The following ANO2 variants were observed in gnomAD, a reference collection of about 807,000 sequenced individuals.
ANO2 encodes anoctamin 2, also known as anoctamin-2.
ANO2 carries 101 observed loss-of-function variants against 124.2 expected under a neutral mutation model. That is an observed-to-expected ratio of 0.81 (90% CI 0.69 to 0.96). The LOEUF is 0.96. Ranked by LOEUF, ANO2 falls within the 40% of genes least tolerant of loss-of-function variation. The pLI is 0.00. For missense variants in ANO2, 1,293 were observed against 1,274.5 expected (o/e 1.01, Z -0.22); for synonymous variants, 486 against 482.5 (o/e 1.01, Z -0.09).
chr12:5,751,554 T>C (rs915576609), intron 10 of ANO2, among the ~76,000 whole-genome samples: 5 of 152,228 alleles, frequency 3.3e-5, no homozygotes, highest in African/African-American at 1.2e-4. Context: ...TACTGAGGTA[T>C]GTTGGCATAC....
rs943604098 is a variant in ANO2, at chr12:5,922,646, C to T, written c.181G>A (p.Gly61Ser). 1.9e-5 allele frequency: 30 copies of T among 1,549,728 alleles called. No individual in the cohort carries two copies. The Admixed American group carries it at 1.9e-4, about 10-fold the overall frequency. ...GAGCTGCTGCGGGTGCTCTCTCCAC[C>T]GCAGGGCTGGCCAGGATCTCTGTTG... ...GSNRDPGQPC[G>S]GESTRSSSVI... is the part of the protein sequence containing the mutation. Residue 61 changes from glycine (G) to serine (S), a missense_variant, in exon 2 of 25, where the codon GGT (glycine) becomes AGT (serine). Physicochemically the swap from Gly to Ser is moderately conservative, Grantham distance 56. Coordinates refer to ENST00000682330, the MANE Select transcript of ANO2 (RefSeq NM_001364791.2).
intron 15 of ANO2, among the ~76,000 whole-genome samples, chr12:5,644,675 T>C (rs143457921): frequency 1.3e-5 from 2 of 152,350 alleles, no homozygotes; most frequent in African/African-American, 4.8e-5. Context: ...TCTTCATTCC[T>C]TTCTAAAACC....
At chr12:5,830,914 T>C (rs1954128551) in intron 5 of ANO2, among the ~76,000 whole-genome samples, 1 of 152,214 alleles carries the variant, frequency 6.6e-6, no homozygotes, top group African/African-American at 2.4e-5. Context: ...GAAAAGATAC[T>C]GGTGCATGAA....
intron 1 of ANO2, among the ~76,000 whole-genome samples, chr12:5,939,557 G>T (rs1942812263): frequency 6.6e-6 from 1 of 152,188 alleles, no homozygotes; most frequent in African/African-American, 2.4e-5. Flanking sequence ...GTTGAGCAAG[G>T]CTTAGAAATA....
chr12:5,844,346 C>A (rs770055246), intron 4 of ANO2, among the ~76,000 whole-genome samples: 23 of 152,150 alleles, frequency 1.5e-4, no homozygotes, highest in Non-Finnish European at 3.4e-4. Flanking sequence ...GGACACAGGG[C>A]AGTTTCAGAA....
At chr12:5,905,709 G>A (rs1412057287) in intron 3 of ANO2, among the ~76,000 whole-genome samples, 1 of 152,186 alleles carries the variant, frequency 6.6e-6, no homozygotes, top group Non-Finnish European at 1.5e-5. Flanking sequence ...CTTGGAATCT[G>A]CCCAATGGCA....
intron 14 of ANO2, among the ~76,000 whole-genome samples, chr12:5,690,998 A>C (rs985797785): frequency 3.9e-5 from 6 of 152,174 alleles, no homozygotes; most frequent in African/African-American, 1.4e-4. Flanking sequence ...ATCTCACAGG[A>C]GCTTACATAT....
intron 1 of ANO2, among the ~76,000 whole-genome samples, chr12:5,923,589 C>A (rs1368856029): frequency 2.0e-5 from 3 of 152,204 alleles, no homozygotes; most frequent in African/African-American, 7.2e-5. Flanking sequence ...CCTCACGCAC[C>A]TGCTGCCTCT....
At chr12:5,909,519 G>A (rs1371918376) in intron 3 of ANO2, among the ~76,000 whole-genome samples, 1 of 152,164 alleles carries the variant, frequency 6.6e-6, no homozygotes, top group Non-Finnish European at 1.5e-5. Flanking sequence ...TCGAGATCCA[G>A]AGAGAAGCCA....
chr12:5,943,228 C>T (rs983614524), intron 1 of ANO2, among the ~76,000 whole-genome samples: 3 of 151,376 alleles, frequency 2.0e-5, no homozygotes, highest in Admixed American at 1.3e-4. Flanking sequence ...TGCCCATTAA[C>T]TAAAAAGTGA....
At chr12:5,853,416 T>A (rs546685230) in intron 4 of ANO2, among the ~76,000 whole-genome samples, 1 of 151,608 alleles carries the variant, frequency 6.6e-6, no homozygotes. Context: ...ATCCTGGGGA[T>A]TTTTTGCCTA....
At chr12:5,899,559 T>C (rs1940036864) in intron 3 of ANO2, among the ~76,000 whole-genome samples, 1 of 152,258 alleles carries the variant, frequency 6.6e-6, no homozygotes, top group South Asian at 2.1e-4. Flanking sequence ...ATTTTGTTAA[T>C]ATATACATTT....
At chr12:5,791,912 C>A (rs1057019834) in intron 10 of ANO2, among the ~76,000 whole-genome samples, 2 of 152,046 alleles carry the variant, frequency 1.3e-5, no homozygotes, top group Non-Finnish European at 2.9e-5. Context: ...TCAATAAATT[C>A]GTATTTATTT....
intron 3 of ANO2, among the ~76,000 whole-genome samples, chr12:5,855,022 A>G (rs908487677): frequency 2.0e-5 from 3 of 152,168 alleles, no homozygotes; most frequent in African/African-American, 7.2e-5. Context: ...AAAGAACTAA[A>G]GAGGACCAAA....
intron 3 of ANO2, among the ~76,000 whole-genome samples, chr12:5,860,451 T>C (rs1955230451): frequency 6.6e-6 from 1 of 152,198 alleles, no homozygotes; most frequent in Non-Finnish European, 1.5e-5. Context: ...GTACCTGACG[T>C]ATAGTAAGTG....
chr12:5,799,504 T>C lies in ANO2; in HGVS notation c.1055+3A>G, dbSNP rs768623486. 2.5e-6 allele frequency: 4 copies of C among 1,613,360 alleles called. No individual in the cohort carries two copies. Among genetic ancestry groups the C allele is most frequent in the Admixed American group, 3.3e-5 (2 of 59,980 alleles). Reference sequence around the variant, plus strand: ...CTTCCAAAAGTTCCCTACCACCTCTTACCTGATGAGGTCAATAGGTTGGAA... The same window carrying C: ...CTTCCAAAAGTTCCCTACCACCTCTCACCTGATGAGGTCAATAGGTTGGAA... On this transcript the variant is annotated splice_donor_region_variant and intron_variant, in intron 10 of 24. Coordinates refer to ENST00000682330, the MANE Select transcript of ANO2 (RefSeq NM_001364791.2).
At chr12:5,641,700 G>A (rs554456322) in intron 15 of ANO2, among the ~76,000 whole-genome samples, 9 of 152,122 alleles carry the variant, frequency 5.9e-5, no homozygotes, top group African/African-American at 2.2e-4. Flanking sequence ...GGCAGTTGTG[G>A]GACCCCAGGC....
chr12:5,582,064 G>T (rs191643403), intron 20 of ANO2, among the ~76,000 whole-genome samples: 5 of 152,324 alleles, frequency 3.3e-5, no homozygotes, highest in East Asian at 1.9e-4. Context: ...CACTTCAGAG[G>T]ATACAATGAT....
At chr12:5,645,891 C>T (rs931647216) in intron 15 of ANO2, among the ~76,000 whole-genome samples, 3 of 152,200 alleles carry the variant, frequency 2.0e-5, no homozygotes, top group Admixed American at 6.5e-5. Flanking sequence ...GTTCCCTGAT[C>T]CTCTTATGTG....
Sources: gnomAD v4.1 joint callset for allele counts (sites outside exome capture counted in the v4.1 genomes callset) on GRCh38, gnomAD v4.1.1 for gene constraint, MANE v1.5 for transcripts, NCBI Gene and HGNC (gene_info 2026-07-23, HGNC 2026-07-21) for gene names.